HKDC1: variants seen among roughly 807,000 people sequenced by gnomAD.
The protein encoded by HKDC1 is hexokinase domain containing 1, also known as hexokinase HKDC1.
A neutral mutation model predicts 96.6 loss-of-function variants in HKDC1; 66 were observed. The observed-to-expected ratio is 0.68, with a 90% confidence interval of 0.56 to 0.84. The LOEUF (loss-of-function observed/expected upper bound fraction) is 0.84, where lower values mean the gene tolerates loss of function less well. HKDC1 is among the 40% of genes least tolerant of loss of function. The probability of loss-of-function intolerance (pLI) is 0.00; values close to 1 mark genes in which losing one functional copy is unlikely to be tolerated. For synonymous variants in HKDC1, 466 were observed against 473.1 expected (o/e 0.98, Z 0.20); for missense variants, 1,211 against 1,208.1 (o/e 1.00, Z -0.04).
chr10:69,232,668 T>G, intron 2 of HKDC1, 96 bp from the exon 3 acceptor site: 4 of 1,140,484 alleles, frequency 3.5e-6, no homozygotes, highest in Non-Finnish European at 5.2e-6. Context: ...TGGCTGTGAT[T>G]TGAAGACGTT....
chr10:69,251,087 C>CTTTTTTTTTTTTTTTTTTTTTTTTTTT (rs869084452), intron 12 of HKDC1, among the ~76,000 whole-genome samples: 1 of 92,690 alleles, frequency 1.1e-5, no homozygotes, highest in African/African-American at 4.2e-5. Context: ...AAATACATTT[C>CTTTTTTTTTTTTTTTTTTTTTTTTTTT]TTTTTTTTTT....
intron 4 of HKDC1, among the ~76,000 whole-genome samples, chr10:69,235,804 C>T (rs573843626): frequency 6.6e-6 from 1 of 152,178 alleles, no homozygotes; most frequent in South Asian, 2.1e-4. Context: ...ATGTTGAATA[C>T]CCACCAACAT....
intron 7 of HKDC1, among the ~76,000 whole-genome samples, chr10:69,244,841 A>G (rs890902059): frequency 2.6e-5 from 4 of 151,922 alleles, no homozygotes; most frequent in Non-Finnish European, 5.9e-5. Context: ...ATATATATAT[A>G]TATTATATTC....
intron 15 of HKDC1, among the ~76,000 whole-genome samples, chr10:69,260,898 A>G (rs1843795434): frequency 6.6e-6 from 1 of 152,146 alleles, no homozygotes; most frequent in Non-Finnish European, 1.5e-5. Context: ...CCAGGGACTA[A>G]ATTTTGCTTA....
At position 69,243,331 on chromosome 10, in the gene HKDC1, C is replaced by A. The variant is rs1843486050; in HGVS notation, c.841C>A (p.Leu281Met). 1.2e-6 allele frequency: 2 copies of A among 1,605,756 alleles called. No individual in the cohort carries two copies. Among genetic ancestry groups the A allele is most frequent in the Non-Finnish European group, 1.7e-6 (2 of 1,175,494 alleles). Residue 281 changes from leucine to methionine, a missense_variant, in exon 7 of 18, where the codon CTG becomes ATG. By Grantham distance (15) the Leu-to-Met change is conservative (BLOSUM62 2). Transcript: ENST00000354624. ...CATTCGCACTGAGTTCGACAGGGAG[C>A]TGGACCTCGGCTCTCTCAACCCAGG... The part of the protein sequence containing the change: ...EDIRTEFDRE[L>M]DLGSLNPGKQ...
intron 1 of HKDC1, among the ~76,000 whole-genome samples, chr10:69,222,444 C>T (rs1843081401): frequency 6.6e-6 from 1 of 152,190 alleles, no homozygotes; most frequent in Non-Finnish European, 1.5e-5. Context: ...TTGTTATCTG[C>T]TTAGTAAAGG....
intron 1 of HKDC1, among the ~76,000 whole-genome samples, chr10:69,220,746 T>G (rs1400321928): frequency 6.6e-6 from 1 of 151,860 alleles, no homozygotes; most frequent in Non-Finnish European, 1.5e-5. Context: ...CGGAAGCGGG[T>G]GAGGAGGGTG....
rs777017803 is a variant in HKDC1 at position 69,235,433 on chromosome 10, C to G, written c.495+2300C>G. ...CGAGACTCTGTCAGAAACAAACAAA[C>G]AAACAAAAAACAACAACAAGCAAAC... On this transcript the variant is annotated intron_variant, in intron 4 of 17. Coordinates refer to ENST00000354624, the MANE Select transcript of HKDC1 (RefSeq NM_025130.4). Among the ~76,000 whole-genome samples, 30 of 140,096 alleles carry G rather than the reference C, an allele frequency of 2.1e-4. No homozygotes were observed. In the South Asian group the frequency reaches 2.5e-3, roughly 12 times the overall value. The allele number at this position is 140,096 out of a possible 152,430, so 91.9% of individuals were successfully genotyped here. A position where few individuals can be genotyped will look rare whatever the true frequency, so the allele number is the denominator to read the frequency against.
chr10:69,227,420 G>T (rs774933336), intron 2 of HKDC1, 51 bp downstream of exon 2: 8 of 1,603,432 alleles, frequency 5.0e-6, no homozygotes, highest in Admixed American at 1.7e-5. Context: ...TGGCTGATGG[G>T]TGTCTAAAGT....
At position 69,248,681 on chromosome 10, in the gene HKDC1, C is replaced by T. The variant is rs773543962; in HGVS notation, c.1523C>T (p.Thr508Met). ...AAGAAGAAGAGCCACGGGCTGGCCACGGTCAGGATGCTGCCCACCTACGTC... is the reference window on the plus strand; with the variant it reads ...AAGAAGAAGAGCCACGGGCTGGCCATGGTCAGGATGCTGCCCACCTACGTC... ...GLKKKSHGLA[T>M]VRMLPTYVCG... Residue 508 changes from threonine (T) to methionine (M), a missense_variant, in exon 10 of 18, where the codon ACG becomes ATG. By Grantham distance (81) the Thr-to-Met change is moderately conservative. Transcript: ENST00000354624. The T allele has an allele frequency of 5.6e-5, 90 of 1,613,618 alleles. No homozygotes were observed. The Middle Eastern group carries it at 6.6e-4, about 12-fold the overall frequency.
chr10:69,241,624 C>T (rs1843458200), intron 6 of HKDC1, among the ~76,000 whole-genome samples: 1 of 152,134 alleles, frequency 6.6e-6, no homozygotes, highest in Non-Finnish European at 1.5e-5. Context: ...GCTGGGATTA[C>T]AGGTGCCCAC....
intron 1 of HKDC1, among the ~76,000 whole-genome samples, chr10:69,224,397 C>A (rs1263835027): frequency 6.6e-6 from 1 of 152,106 alleles, no homozygotes; most frequent in Non-Finnish European, 1.5e-5. Flanking sequence ...CATTCTCCTG[C>A]CTCAGCCTCC....
chr10:69,266,379 C>T (rs1252977802), intron 17 of HKDC1, among the ~76,000 whole-genome samples: 1 of 151,396 alleles, frequency 6.6e-6, no homozygotes, highest in Non-Finnish European at 1.5e-5. Flanking sequence ...AGCTGGGGGG[C>T]TTGAGCCTGG....
chr10:69,248,772 C>G (rs1162236096), intron 10 of HKDC1, 44 bp downstream of exon 10: 75 of 1,508,788 alleles, frequency 5.0e-5, no homozygotes, highest in Non-Finnish European at 6.0e-5. Flanking sequence ...ATCCAGGGCT[C>G]CCGTCAAAAC....
chr10:69,228,869 A>C (rs10998654), intron 2 of HKDC1, among the ~76,000 whole-genome samples: 8,992 of 151,686 alleles, frequency 0.059, 337 homozygotes, highest in Middle Eastern at 0.13. Flanking sequence ...CCATCAAAAA[A>C]GAAAGAAAGA....
intron 2 of HKDC1, among the ~76,000 whole-genome samples, chr10:69,231,865 C>T (rs1471949104): frequency 6.6e-6 from 1 of 152,208 alleles, no homozygotes; most frequent in East Asian, 1.9e-4. Context: ...ATAAAAGTTG[C>T]ATAGGATTAA....
At position 69,248,474 on chromosome 10, in the gene HKDC1, A is replaced by T. The variant is rs370651048; in HGVS notation, c.1316A>T (p.Asp439Val). 1.9e-6 allele frequency: 3 copies of T among 1,603,112 alleles called. No individual in the cohort carries two copies. The African/African-American group carries it at 4.0e-5, about 21-fold the overall frequency. ...KVVRKLVPSCDVRFLLSESGS... is the reference protein window; with the variant it reads ...KVVRKLVPSCVVRFLLSESGS... The stretch of plus-strand genomic sequence containing the variant: ...GTGAGGAAACTGGTCCCAAGCTGTG[A>T]TGTCCGCTTCCTCCTGTCAGAGAGT... The change falls in exon 10 of 18, where the codon GAT becomes GTT. Residue 439 changes from aspartate (D) to valine (V), a missense_variant. By Grantham distance (152) the Asp-to-Val change is radical. Coordinates refer to ENST00000354624, the MANE Select transcript of HKDC1 (RefSeq NM_025130.4).
At chr10:69,263,924 C>T (rs551941554) in intron 16 of HKDC1, among the ~76,000 whole-genome samples, 3 of 152,262 alleles carry the variant, frequency 2.0e-5, no homozygotes, top group Admixed American at 6.5e-5. Context: ...CCTGTAATCC[C>T]AGGACTTTGG....
chr10:69,241,650 A>G (rs1167973309), intron 6 of HKDC1, among the ~76,000 whole-genome samples: 1 of 151,902 alleles, frequency 6.6e-6, no homozygotes, highest in Non-Finnish European at 1.5e-5. Context: ...CGGCTGGCCA[A>G]TTTTTTGTAT....
Sources: allele counts gnomAD v4.1 joint callset (sites outside exome capture counted in the v4.1 genomes callset), GRCh38; gene constraint gnomAD v4.1.1; transcripts MANE v1.5; gene names NCBI Gene and HGNC (gene_info 2026-07-23, HGNC 2026-07-21).